The following MBD3L1 variants were observed in gnomAD, a reference collection of about 807,000 sequenced individuals.
MBD3L1 encodes methyl-CpG binding domain protein 3 like 1.
For missense variants in MBD3L1, 203 were observed against 230.1 expected (o/e 0.88, Z 0.76); for synonymous variants, 84 against 85.1 (o/e 0.99, Z 0.07).
intron 2 of MBD3L1, among the ~76,000 whole-genome samples, chr19:8,841,950 A>T (rs561816492): frequency 6.6e-6 from 1 of 152,344 alleles, no homozygotes; most frequent in East Asian, 1.9e-4. Context: ...TGATAATTTC[A>T]TTATTGACTT....
chr19:8,838,568 CAATG>C (rs2044479197), intron 1 of MBD3L1, among the ~76,000 whole-genome samples: 1 of 152,186 alleles, frequency 6.6e-6, no homozygotes, highest in Middle Eastern at 3.2e-3. Context: ...ATGCCACACA[CAATG>C]AATTCTAAAA....
At chr19:8,840,478 A>G (rs565330318) in intron 1 of MBD3L1, among the ~76,000 whole-genome samples, 167 of 152,096 alleles carry the variant, frequency 1.1e-3, no homozygotes, top group African/African-American at 3.9e-3. Flanking sequence ...TAACTTTTTA[A>G]TTTTTAGTAG....
chr19:8,834,134 C>G (rs910692604), intron 1 of MBD3L1, among the ~76,000 whole-genome samples: 3 of 152,144 alleles, frequency 2.0e-5, no homozygotes, highest in Non-Finnish European at 4.4e-5. Flanking sequence ...GTTTCATGCA[C>G]CCGTCCTTTC....
chr19:8,834,621 C>A (rs1479008960), intron 1 of MBD3L1, among the ~76,000 whole-genome samples: 16 of 144,404 alleles, frequency 1.1e-4, no homozygotes, highest in South Asian at 4.5e-4. Flanking sequence ...AAAAAACAAA[C>A]CAAAACCAAA....
intron 1 of MBD3L1, among the ~76,000 whole-genome samples, chr19:8,834,089 T>G (rs559757328): frequency 6.6e-6 from 1 of 152,292 alleles, no homozygotes; most frequent in African/African-American, 2.4e-5. Flanking sequence ...ACATTTAAAA[T>G]CAGCCAGGAA....
At chr19:8,839,185 CTTTTTTTTTTT>C (rs57499698) in intron 1 of MBD3L1, among the ~76,000 whole-genome samples, 1 of 122,128 alleles carries the variant, frequency 8.2e-6, no homozygotes, top group Non-Finnish European at 1.6e-5. Flanking sequence ...CTTTTCTTTT[CTTTTTTTTTTT>C]TTTTTTGAGA....
chr19:8,843,264 G>GA lies in MBD3L1; in HGVS notation c.*8dup. On this transcript the variant is annotated 3_prime_UTR_variant, in exon 3 of 3. Coordinates refer to ENST00000595891, the MANE Select transcript of MBD3L1 (RefSeq NM_001393532.1). ...AGAAGGCCGTCCTGAAAAACGCTAA[G>GA]AAAAAAAGGGAAGATAGTGCAGATG... 6.5e-7 allele frequency: 1 copy of GA among 1,547,886 alleles called. No individual in the cohort carries two copies. The highest frequency in any genetic ancestry group is 8.7e-7 in the Non-Finnish European group (1 of 1,149,794).
intron 1 of MBD3L1, among the ~76,000 whole-genome samples, chr19:8,839,333 G>A (rs2044488029): frequency 1.3e-5 from 2 of 151,632 alleles, no homozygotes; most frequent in African/African-American, 2.4e-5. Context: ...ACAGGTGTGT[G>A]CCACCACACC....
intron 1 of MBD3L1, among the ~76,000 whole-genome samples, chr19:8,835,162 C>T (rs1292840419): frequency 6.6e-6 from 1 of 152,052 alleles, no homozygotes; most frequent in East Asian, 1.9e-4. Flanking sequence ...AGCGATTCTC[C>T]TGCCTCAGCC....
At chr19:8,842,219 G>A (rs916770586) in intron 2 of MBD3L1, among the ~76,000 whole-genome samples, 3 of 151,960 alleles carry the variant, frequency 2.0e-5, no homozygotes, top group East Asian at 1.9e-4. Context: ...CCAGCTACGC[G>A]GGAGGTTCAG....
At chr19:8,835,749 A>C (rs1314247301) in intron 1 of MBD3L1, among the ~76,000 whole-genome samples, 1 of 152,236 alleles carries the variant, frequency 6.6e-6, no homozygotes, top group Non-Finnish European at 1.5e-5. Flanking sequence ...CATTATACAT[A>C]ATAGCCCAAA....
At chr19:8,838,740 A>G (rs1048603580) in intron 1 of MBD3L1, among the ~76,000 whole-genome samples, 2 of 152,244 alleles carry the variant, frequency 1.3e-5, no homozygotes, top group African/African-American at 4.8e-5. Flanking sequence ...CAGATTTATT[A>G]GAGAAGATAT....
chr19:8,839,759 C>G (rs992550041), intron 1 of MBD3L1, among the ~76,000 whole-genome samples: 2 of 151,972 alleles, frequency 1.3e-5, no homozygotes, highest in Non-Finnish European at 2.9e-5. Flanking sequence ...ATGATCTTTT[C>G]TCAGTGGTTC....
chr19:8,835,048 GTT>G (rs777643019), intron 1 of MBD3L1, among the ~76,000 whole-genome samples: 2 of 142,212 alleles, frequency 1.4e-5, no homozygotes, highest in African/African-American at 2.6e-5. Flanking sequence ...TGAACAAAGA[GTT>G]TTTTTTTTTT....
intron 1 of MBD3L1, among the ~76,000 whole-genome samples, chr19:8,837,549 C>T (rs957888906): frequency 1.3e-5 from 2 of 152,104 alleles, no homozygotes; most frequent in African/African-American, 2.4e-5. Context: ...CTTTCTGCCT[C>T]GAATGGGGGT....
chr19:8,834,702 C>T (rs2044435996), intron 1 of MBD3L1, among the ~76,000 whole-genome samples: 1 of 149,450 alleles, frequency 6.7e-6, no homozygotes, highest in Non-Finnish European at 1.5e-5. Context: ...ACCTCTACTT[C>T]ACACCATGTA....
chr19:8,833,936 C>T (rs547498571), intron 1 of MBD3L1, among the ~76,000 whole-genome samples: 20 of 151,936 alleles, frequency 1.3e-4, no homozygotes, highest in Admixed American at 5.9e-4. Context: ...TGAAGTGAGC[C>T]GAGATTGCAG....
intron 1 of MBD3L1, among the ~76,000 whole-genome samples, chr19:8,838,191 T>C (rs1397229362): frequency 7.6e-6 from 1 of 132,048 alleles, no homozygotes; most frequent in African/African-American, 2.9e-5. Flanking sequence ...GAGGTTGCAG[T>C]GAGCCGAGAT....
intron 1 of MBD3L1, among the ~76,000 whole-genome samples, chr19:8,834,179 T>C (rs2044426790): frequency 6.6e-6 from 1 of 152,186 alleles, no homozygotes; most frequent in African/African-American, 2.4e-5. Flanking sequence ...TTCCCAAAAA[T>C]ATCCATTTTC....
Sources: gnomAD v4.1 joint callset for allele counts (sites outside exome capture counted in the v4.1 genomes callset) on GRCh38, gnomAD v4.1.1 for gene constraint, MANE v1.5 for transcripts, NCBI Gene and HGNC (gene_info 2026-07-23, HGNC 2026-07-21) for gene names.